The following KMT2A variants were observed in gnomAD, a reference collection of about 807,000 sequenced individuals.
KMT2A encodes the protein histone-lysine N-methyltransferase 2A.
A neutral mutation model predicts 345.3 loss-of-function variants in KMT2A; 16 were observed. The observed-to-expected ratio is 0.05, with a 90% CI of 0.03 to 0.07. The LOEUF (loss-of-function observed/expected upper bound fraction) is 0.07, where lower values mean the gene tolerates loss of function less well. Among genes scored for constraint, KMT2A ranks in the 10% least tolerant of loss-of-function variants. The pLI is 1.00. For synonymous variants in KMT2A, 1,599 were observed against 1,778.6 expected, an observed-to-expected ratio of 0.90 and a Z score of 2.54; for missense variants, 3,272 against 4,841.6, an observed-to-expected ratio of 0.68 and a Z score of 9.62.
At chr11:118,499,759 G>T in intron 23 of KMT2A, 76 bp from the exon 24 acceptor site, 1 of 1,128,088 alleles carries the variant, frequency 8.9e-7, no homozygotes, top group South Asian at 1.3e-5. Flanking sequence ...CAGCCTGGGC[G>T]ACAGAGTGAG....
At chr11:118,499,579 G>A (rs1223943817) in intron 23 of KMT2A, among the ~76,000 whole-genome samples, 159 bp downstream of exon 23, 7 of 152,090 alleles carry the variant, frequency 4.6e-5, no homozygotes, top group African/African-American at 1.7e-4. Context: ...AGGTTCAGGA[G>A]TTGGAGAACA....
rs9332860 is a variant in KMT2A, at chr11:118,519,909, G to A, written c.11322-48G>A. 692 of 1,569,212 alleles carry A rather than the reference G, an allele frequency of 4.4e-4. 2 individuals are homozygous for A. The African/African-American group carries it at 7.9e-3, about 18-fold the overall frequency. ...AGTTTTAATGCCATCATCCTTTACT[G>A]CTTTATTAAAGCATTTCTCTAAATA... On this transcript the variant is annotated intron_variant, in intron 32 of 35. Transcript: ENST00000534358.
In KMT2A at chr11:118,488,820, T is replaced by C; in HGVS notation, c.4479+60T>C. Reference sequence around the variant, plus strand: ...TCTGTATCAGTGGGTTCTGTATCCCTGGACTCAACCAACCTTGGATTGAAT... The same window carrying C: ...TCTGTATCAGTGGGTTCTGTATCCCCGGACTCAACCAACCTTGGATTGAAT... On this transcript the variant is annotated intron_variant, in intron 11 of 35. Coordinates refer to ENST00000534358, the MANE Select transcript of KMT2A (RefSeq NM_001197104.2). 3 of 1,517,928 alleles carry C rather than the reference T, an allele frequency of 2.0e-6. No homozygotes were observed. In the South Asian group the frequency reaches 3.5e-5, roughly 18 times the overall value. 94.0% of individuals were successfully genotyped at this position (1,517,928 alleles called of 1,614,324 possible).
Position 118,502,644 on chromosome 11 carries a change from G to A in KMT2A, c.6752G>A (p.Gly2251Glu). The A allele has an allele frequency of 6.2e-7, 1 of 1,613,988 alleles. No individual in the cohort carries two copies. The highest frequency in any genetic ancestry group is 8.5e-7 in the Non-Finnish European group (1 of 1,180,000). Residue 2251 changes from glycine to glutamate, a missense_variant, in exon 27 of 36, where the codon GGG becomes GAG. Physicochemically the swap from Gly to Glu is moderately conservative, Grantham distance 98 (BLOSUM62 -2). Transcript: ENST00000534358. The surrounding 1 kb of genome is among the most constrained non-coding windows in gnomAD (Gnocchi z 4.9). The part of the protein sequence containing the change: ...SSAKVVDHVL[G>E]PLNSSTSLGQ... The stretch of plus-strand genomic sequence containing the variant: ...GCCAAAGTAGTTGATCATGTCTTAG[G>A]GCCACTGAATTCAAGTACTAGTTTA...
At position 118,505,265 on chromosome 11, in the gene KMT2A, T is replaced by C. The variant is rs146069428; in HGVS notation, c.9373T>C (p.Leu3125=). The C allele has an allele frequency of 4.3e-5, 70 of 1,614,220 alleles. No homozygotes were observed. In the Admixed American group the frequency reaches 4.5e-4, roughly 10 times the overall value. ...TGTGATGGAGACAAATACTTCAGTA[T>C]TGGGACCCATGGGAGGTGGTCTCAC... ...PSVMETNTSV[L]GPMGGGLTLT... is the part of the protein sequence containing the mutation. The change falls in exon 27 of 36, where the codon TTG becomes CTG. Residue 3125 remains leucine, a synonymous_variant. Transcript: ENST00000534358. This position sits in a 1 kb window ranked among gnomAD's most constrained non-coding sequence, Gnocchi z 4.6.
Position 118,519,961 on chromosome 11 carries a change from T to G in KMT2A, c.11326T>G (p.Ser3776Ala), listed in dbSNP as rs9332861. 5 of 1,612,874 alleles carry G rather than the reference T, an allele frequency of 3.1e-6. No individual in the cohort carries two copies. Among genetic ancestry groups the G allele is most frequent in the Non-Finnish European group, 4.2e-6 (5 of 1,179,134 alleles). The change falls in exon 33 of 36, where the codon TCA becomes GCA. Residue 3776 changes from serine (S) to alanine (A), a missense_variant. By Grantham distance (99) the Ser-to-Ala change is moderately conservative (BLOSUM62 1). Transcript: ENST00000534358. ...SARAEVHLRK[S>A]AFDMFNFLAS... ...GTTTTAATCTTTTGGCCCCAGGAAG[T>G]CAGCATTTGACATGTTTAACTTCCT...
intron 31 of KMT2A, among the ~76,000 whole-genome samples, chr11:118,516,457 T>G (rs1265950357): frequency 6.6e-6 from 1 of 151,966 alleles, no homozygotes. Context: ...ACAGTGAAAC[T>G]CTCTTAAAAA....
At chr11:118,474,660 T>A (rs910013012) in intron 3 of KMT2A, among the ~76,000 whole-genome samples, 1 of 152,226 alleles carries the variant, frequency 6.6e-6, no homozygotes, top group Non-Finnish European at 1.5e-5. Context: ...CTGAGTTGTT[T>A]GTACCTTATA....
intron 1 of KMT2A, among the ~76,000 whole-genome samples, chr11:118,460,348 GC>G (rs1317867068): frequency 3.9e-5 from 6 of 151,978 alleles, no homozygotes; most frequent in African/African-American, 1.2e-4. Flanking sequence ...GAGTGCAGTG[GC>G]ACGATCTCAG....
rs75669268 is a variant in KMT2A, at chr11:118,466,943, G to A, written c.433-1832G>A. Among the ~76,000 whole-genome samples, 442 of 152,040 alleles carry A rather than the reference G, an allele frequency of 2.9e-3. 2 individuals are homozygous for A. Among genetic ancestry groups the A allele is most frequent in the African/African-American group, 0.01 (418 of 41,476 alleles). The stretch of plus-strand genomic sequence containing the variant: ...GCATAGTGGTGCATGTATGTAGTCC[G>A]AGCTATGCAGGAGGCTGAGGCAGGA... On this transcript the variant is annotated intron_variant, in intron 1 of 35. Transcript: ENST00000534358.
Position 118,505,442 on chromosome 11 carries a change from C to A in KMT2A, c.9550C>A (p.Pro3184Thr). 6.2e-7 allele frequency: 1 copy of A among 1,614,214 alleles called. No homozygotes were observed. Among genetic ancestry groups the A allele is most frequent in the Non-Finnish European group, 8.5e-7 (1 of 1,180,032 alleles). ...SSFPPNISNP[P>T]SGLLIGVQPP... ...TTTCCCACCAAACATCAGCAATCCT[C>A]CTTCAGGCCTGCTTATTGGGGTTCA... Residue 3184 changes from proline to threonine, a missense_variant, in exon 27 of 36, where the codon CCT (proline) becomes ACT (threonine). Pro to Thr is a conservative substitution (Grantham distance 38). Transcript: ENST00000534358. The surrounding 1 kb of genome is among the most constrained non-coding windows in gnomAD (Gnocchi z 4.6).
intron 1 of KMT2A, among the ~76,000 whole-genome samples, chr11:118,468,333 A>G (rs1949884204): frequency 6.6e-6 from 1 of 152,216 alleles, no homozygotes; most frequent in African/African-American, 2.4e-5. Context: ...TTAGAAGGCA[A>G]GAGATTATTA....
rs781951109 is a variant in KMT2A, at chr11:118,439,167, A to AG, written c.432+2223_432+2224insG. 12 of 405,210 alleles carry AG rather than the reference A, an allele frequency of 3.0e-5. No individual in the cohort carries two copies. The Middle Eastern group carries it at 1.8e-3, about 60-fold the overall frequency. The allele number at this position is 405,210 out of a possible 1,614,324, so 25.1% of individuals were successfully genotyped here. A position where few individuals can be genotyped will look rare whatever the true frequency, so the allele number is the denominator to read the frequency against. ...TTAAAAGATACAGCAGCAAAAAAAAAAAAAAAGAAAAAAAAGAAAAAACTG... is the reference window on the plus strand; with the variant it reads ...TTAAAAGATACAGCAGCAAAAAAAAAGAAAAAAGAAAAAAAAGAAAAAACTG... On this transcript the variant is annotated intron_variant, in intron 1 of 35. Transcript: ENST00000534358.
intron 3 of KMT2A, 73 bp downstream of exon 3, chr11:118,474,388 G>A: frequency 3.3e-6 from 5 of 1,518,536 alleles, no homozygotes; most frequent in Non-Finnish European, 4.4e-6. Context: ...TTTAGGCTAA[G>A]TGGTTCAATT....
In KMT2A at chr11:118,495,836, G is replaced by A; in HGVS notation, c.5500G>A (p.Gly1834Ser). 1 of 1,614,050 alleles carries A rather than the reference G, an allele frequency of 6.2e-7. No individual in the cohort carries two copies. The highest frequency in any genetic ancestry group is 8.5e-7 in the Non-Finnish European group (1 of 1,180,008). ...AATCATTCCAGCTCCCAAACCCAAA[G>A]GTCCTGGAGAACCAGACTCACCAAC... ...KKIIPAPKPKGPGEPDSPTPL... is the reference protein window; with the variant it reads ...KKIIPAPKPKSPGEPDSPTPL... Residue 1834 changes from glycine (G) to serine (S), a missense_variant, in exon 19 of 36, where the codon GGT becomes AGT. Coordinates refer to ENST00000534358, the MANE Select transcript of KMT2A (RefSeq NM_001197104.2). This position sits in a 1 kb window ranked among gnomAD's most constrained non-coding sequence, Gnocchi z 4.1.
Position 118,473,525 on chromosome 11 carries a change from C to A in KMT2A, c.2366C>A (p.Thr789Asn). ...AGCATTTCTGTTAGTCCTCTTGCCA[C>A]TAGTGCCTTAAACCCAACTTTTACT... ...SLSISVSPLA[T>N]SALNPTFTFP... Residue 789 changes from threonine to asparagine, a missense_variant, in exon 3 of 36, where the codon ACT becomes AAT. By Grantham distance (65) the Thr-to-Asn change is moderately conservative (BLOSUM62 0). Transcript: ENST00000534358. This position sits in a 1 kb window ranked among gnomAD's most constrained non-coding sequence, Gnocchi z 5.2. The A allele has an allele frequency of 6.2e-7, 1 of 1,614,178 alleles. No individual in the cohort carries two copies. Among genetic ancestry groups the A allele is most frequent in the Non-Finnish European group, 8.5e-7 (1 of 1,180,034 alleles).
intron 2 of KMT2A, among the ~76,000 whole-genome samples, chr11:118,470,811 A>T (rs917652978): frequency 6.6e-6 from 1 of 152,234 alleles, no homozygotes; most frequent in East Asian, 1.9e-4. Flanking sequence ...ATACAGGTTT[A>T]TACAAGGTGT....
At chr11:118,455,578 T>C (rs1485409235) in intron 1 of KMT2A, among the ~76,000 whole-genome samples, 6 of 152,200 alleles carry the variant, frequency 3.9e-5, no homozygotes, top group Non-Finnish European at 7.3e-5. Flanking sequence ...TTGGCCCTAC[T>C]CTGGCTACCC....
intron 6 of KMT2A, 149 bp downstream of exon 6, chr11:118,480,387 G>T: frequency 2.1e-6 from 1 of 480,322 alleles, no homozygotes. Context: ...AGGTACATGG[G>T]GGTTGATTGG....
Sources: allele counts gnomAD v4.1 joint callset (sites outside exome capture counted in the v4.1 genomes callset), GRCh38; gene constraint gnomAD v4.1.1; non-coding constraint Gnocchi (gnomAD v3.1); transcripts MANE v1.5; gene names NCBI Gene and HGNC (gene_info 2026-07-23, HGNC 2026-07-21).